CNTN5: variants seen among roughly 807,000 people sequenced by gnomAD.
The protein encoded by CNTN5 is contactin-5.
CNTN5 carries 77 observed loss-of-function variants against 129.1 expected under a neutral mutation model. The ratio of observed to expected loss-of-function variants is 0.60; its 90% confidence interval spans 0.50 to 0.72. CNTN5 has a LOEUF of 0.72. CNTN5 is among the 30% of genes least tolerant of loss of function. CNTN5 has a pLI of 0.00. For synonymous variants in CNTN5, 509 were observed against 465.6 expected, an observed-to-expected ratio of 1.09 and a Z score of -1.20; for missense variants, 1,478 against 1,328.8, an observed-to-expected ratio of 1.11 and a Z score of -1.75.
At position 99,526,351 on chromosome 11, in the gene CNTN5, G is replaced by T. The variant is rs373447054; in HGVS notation, c.-70-29794G>T. Among the ~76,000 whole-genome samples the T allele has an allele frequency of 3.9e-5, 6 of 152,270 alleles. No individual in the cohort carries two copies. The East Asian group carries it at 7.7e-4, about 20-fold the overall frequency. ...GTGGTCTCCTTTGATACTTAGAACAGCCCAGAATAACCCATTCAATTCATT... is the reference window on the plus strand; with the variant it reads ...GTGGTCTCCTTTGATACTTAGAACATCCCAGAATAACCCATTCAATTCATT... On this transcript the variant is annotated intron_variant, in intron 2 of 24. Transcript: ENST00000524871.
intron 9 of CNTN5, among the ~76,000 whole-genome samples, chr11:100,036,946 T>G (rs2137649119): frequency 6.7e-6 from 1 of 150,142 alleles, no homozygotes; most frequent in Non-Finnish European, 1.5e-5. Context: ...TTTTCCTAAT[T>G]GAAGACCCTT....
intron 13 of CNTN5, among the ~76,000 whole-genome samples, chr11:100,185,890 C>G (rs1275716964): frequency 6.6e-6 from 1 of 152,124 alleles, no homozygotes; most frequent in Non-Finnish European, 1.5e-5. Flanking sequence ...TTTGGACTGT[C>G]CAGTCTTCAG....
At chr11:99,636,966 T>C (rs1344412487) in intron 3 of CNTN5, among the ~76,000 whole-genome samples, 2 of 51,420 alleles carry the variant, frequency 3.9e-5, no homozygotes, top group East Asian at 1.0e-3. Flanking sequence ...TGAGCGAAGA[T>C]CATGCCACTG....
intron 2 of CNTN5, among the ~76,000 whole-genome samples, chr11:99,374,442 G>A (rs1940029826): frequency 6.6e-6 from 1 of 152,080 alleles, no homozygotes; most frequent in African/African-American, 2.4e-5. Context: ...TGTAAGATTT[G>A]GGAGGCCAAG....
chr11:99,350,392 CTT>C (rs1053273070), intron 2 of CNTN5, among the ~76,000 whole-genome samples: 69 of 152,224 alleles, frequency 4.5e-4, no homozygotes, highest in African/African-American at 1.6e-3. Flanking sequence ...TTTAGAAAAA[CTT>C]TGTGCGTTTA....
chr11:100,074,597 G>A (rs1421819383), intron 13 of CNTN5, among the ~76,000 whole-genome samples: 1 of 152,088 alleles, frequency 6.6e-6, no homozygotes, highest in Admixed American at 6.6e-5. Context: ...CTGCATTTAG[G>A]AGGTCTACAA....
At chr11:100,058,189 C>T (rs1018172459) in intron 9 of CNTN5, among the ~76,000 whole-genome samples, 3 of 152,024 alleles carry the variant, frequency 2.0e-5, no homozygotes, top group African/African-American at 7.2e-5. Context: ...CCAAAGTTGG[C>T]ATAAGCAGAA....
chr11:99,278,899 G>A (rs1863569441), intron 1 of CNTN5, among the ~76,000 whole-genome samples: 1 of 151,684 alleles, frequency 6.6e-6, no homozygotes, highest in Non-Finnish European at 1.5e-5. Flanking sequence ...GTAGATCAAT[G>A]AGTCCTGTCA....
chr11:99,549,284 C>T (rs1398754414), intron 2 of CNTN5, among the ~76,000 whole-genome samples: 1 of 151,816 alleles, frequency 6.6e-6, no homozygotes, highest in Admixed American at 6.6e-5. Flanking sequence ...CTATTTATTC[C>T]CATAGTTTAG....
intron 2 of CNTN5, among the ~76,000 whole-genome samples, chr11:99,552,751 G>T (rs781279244): frequency 3.6e-4 from 54 of 152,084 alleles, no homozygotes; most frequent in Non-Finnish European, 6.6e-4. Flanking sequence ...ATTGCATACG[G>T]CCGTGGGCAA....
rs75025180 is a variant in CNTN5, at chr11:99,429,091, T to C, written c.-71+103607T>C. On this transcript the variant is annotated intron_variant, in intron 2 of 24. Transcript: ENST00000524871. ...GAAAAATAAATCTAATGTATAATAATGTATGTGTATAATTCTGAGGACATT... is the reference window on the plus strand; with the variant it reads ...GAAAAATAAATCTAATGTATAATAACGTATGTGTATAATTCTGAGGACATT... 8.1e-3 allele frequency among the ~76,000 whole-genome samples: 1,237 copies of C among 152,284 alleles called. 14 individuals are homozygous for C. Among genetic ancestry groups the C allele is most frequent in the African/African-American group, 0.028 (1,177 of 41,572 alleles).
Position 99,790,009 on chromosome 11 carries a change from ATAAG to A in CNTN5, c.56-29530_56-29527del, listed in dbSNP as rs368126883. Among the ~76,000 whole-genome samples, 595 of 152,088 alleles carry A rather than the reference ATAAG, an allele frequency of 3.9e-3. 4 individuals carry two copies. Among genetic ancestry groups the A allele is most frequent in the African/African-American group, 0.011 (464 of 41,512 alleles). ...AGTACCCAGTGTTTAGCTCCCACTTATAAGTAAGAAAATGCAGTTTTTGGTTTTC... is the reference window on the plus strand; with the variant it reads ...AGTACCCAGTGTTTAGCTCCCACTTATAAGAAAATGCAGTTTTTGGTTTTC... On this transcript the variant is annotated intron_variant, in intron 3 of 24. Coordinates refer to ENST00000524871, the MANE Select transcript of CNTN5 (RefSeq NM_014361.4).
intron 3 of CNTN5, among the ~76,000 whole-genome samples, chr11:99,664,832 A>T (rs931561953): frequency 9.9e-5 from 15 of 151,378 alleles, no homozygotes; most frequent in African/African-American, 3.6e-4. Context: ...CTTCCAGGGT[A>T]CCTTATTAAT....
intron 3 of CNTN5, among the ~76,000 whole-genome samples, chr11:99,713,860 G>T (rs1234141519): frequency 6.6e-6 from 1 of 151,962 alleles, no homozygotes; most frequent in Non-Finnish European, 1.5e-5. Context: ...AGGAACAAAA[G>T]CTGGAGAATT....
chr11:99,767,906 T>G, intron 3 of CNTN5, among the ~76,000 whole-genome samples: 1 of 152,198 alleles, frequency 6.6e-6, no homozygotes, highest in South Asian at 2.1e-4. Context: ...AACAAAAAAG[T>G]AAAATGAACA....
intron 2 of CNTN5, among the ~76,000 whole-genome samples, chr11:99,390,844 T>G (rs991763411): frequency 1.3e-5 from 2 of 152,162 alleles, no homozygotes; most frequent in African/African-American, 4.8e-5. Context: ...ACATAGGCAT[T>G]TAATTATTAA....
chr11:99,294,504 C>G (rs1188615261), intron 1 of CNTN5, among the ~76,000 whole-genome samples: 1 of 152,046 alleles, frequency 6.6e-6, no homozygotes, highest in Admixed American at 6.6e-5. Flanking sequence ...ATACTGATCA[C>G]AGAATTTTAA....
At chr11:100,061,736 A>G (rs1205714705) in intron 10 of CNTN5, among the ~76,000 whole-genome samples, 1 of 152,190 alleles carries the variant, frequency 6.6e-6, no homozygotes, top group Non-Finnish European at 1.5e-5. Flanking sequence ...AGAGGTTCCA[A>G]TCTAGTGTCC....
At chr11:100,043,401 A>T (rs1253355336) in intron 9 of CNTN5, among the ~76,000 whole-genome samples, 1 of 152,204 alleles carries the variant, frequency 6.6e-6, no homozygotes, top group Non-Finnish European at 1.5e-5. Context: ...AAATAATTTT[A>T]TATTCCAAAG....
Sources: allele counts gnomAD v4.1 joint callset (sites outside exome capture counted in the v4.1 genomes callset), GRCh38; gene constraint gnomAD v4.1.1; transcripts MANE v1.5; gene names NCBI Gene and HGNC (gene_info 2026-07-23, HGNC 2026-07-21).